PTPRT: variants seen among roughly 807,000 people sequenced by gnomAD.
The protein encoded by PTPRT is protein tyrosine phosphatase receptor type T, also known as receptor-type tyrosine-protein phosphatase T.
PTPRT carries 56 observed loss-of-function variants against 176.8 expected under a neutral mutation model. That is an observed-to-expected ratio of 0.32 (90% confidence interval 0.26 to 0.40). The LOEUF (loss-of-function observed/expected upper bound fraction) is 0.40, where lower values mean the gene tolerates loss of function less well. Among genes scored for constraint, PTPRT ranks in the 10% least tolerant of loss-of-function variants. The pLI is 1.00. For missense variants in PTPRT, 1,540 were observed against 1,908.2 expected (o/e 0.81, Z 3.60); for synonymous variants, 783 against 739.0 (o/e 1.06, Z -0.96).
intron 7 of PTPRT, among the ~76,000 whole-genome samples, chr20:42,657,894 T>C (rs1600561135): frequency 1.3e-5 from 2 of 151,916 alleles, no homozygotes; most frequent in African/African-American, 2.4e-5. Flanking sequence ...AATGCAATCA[T>C]GTTCATTTTT....
At chr20:43,121,738 C>T (rs1370692913) in intron 1 of PTPRT, among the ~76,000 whole-genome samples, 1 of 151,966 alleles carries the variant, frequency 6.6e-6, no homozygotes, top group Non-Finnish European at 1.5e-5. Flanking sequence ...ATAGGTGTTT[C>T]GAAAAAATAT....
intron 20 of PTPRT, among the ~76,000 whole-genome samples, chr20:42,119,040 AAG>A (rs1555872399): frequency 2.0e-5 from 3 of 150,700 alleles, no homozygotes; most frequent in African/African-American, 7.3e-5. Flanking sequence ...AAAAAAAAAA[AAG>A]ACCAGGAGCA....
chr20:43,111,188 C>A (rs546646383), intron 1 of PTPRT, among the ~76,000 whole-genome samples: 8 of 152,012 alleles, frequency 5.3e-5, no homozygotes, highest in Non-Finnish European at 8.8e-5. Flanking sequence ...AGGGGGTCCC[C>A]ACACAAGCTA....
intron 17 of PTPRT, among the ~76,000 whole-genome samples, 197 bp from the exon 18 acceptor site, chr20:42,142,199 G>A (rs1257485149): frequency 1.3e-5 from 2 of 152,218 alleles, no homozygotes; most frequent in Non-Finnish European, 2.9e-5. Flanking sequence ...TGTTTCAAAT[G>A]TTATTGATGT....
At chr20:43,112,561 G>A (rs2012907746) in intron 1 of PTPRT, among the ~76,000 whole-genome samples, 1 of 152,218 alleles carries the variant, frequency 6.6e-6, no homozygotes, top group African/African-American at 2.4e-5. Context: ...GAAAAGAAAG[G>A]AAGGTAGGAA....
chr20:42,335,880 T>G (rs1208943287), intron 11 of PTPRT, among the ~76,000 whole-genome samples: 1 of 152,148 alleles, frequency 6.6e-6, no homozygotes, highest in African/African-American at 2.4e-5. Context: ...TATAACATAG[T>G]AGTACACTCC....
chr20:43,161,351 G>C (rs1048364324), intron 1 of PTPRT, among the ~76,000 whole-genome samples: 5 of 151,962 alleles, frequency 3.3e-5, no homozygotes, highest in Non-Finnish European at 5.9e-5. Flanking sequence ...ATGACATGAA[G>C]GAGAAAGAGC....
At chr20:42,365,609 T>C (rs2058503618) in intron 9 of PTPRT, among the ~76,000 whole-genome samples, 1 of 151,986 alleles carries the variant, frequency 6.6e-6, no homozygotes, top group African/African-American at 2.4e-5. Context: ...GAAGAAGAAT[T>C]GTCTTGGGCA....
At chr20:42,156,938 G>A (rs912249343) in intron 17 of PTPRT, among the ~76,000 whole-genome samples, 47 of 152,204 alleles carry the variant, frequency 3.1e-4, no homozygotes, top group Non-Finnish European at 4.4e-5. Context: ...ATTAGCACTT[G>A]TCTTCTCAAA....
intron 6 of PTPRT, among the ~76,000 whole-genome samples, chr20:42,691,215 G>A (rs1414280280): frequency 6.6e-6 from 1 of 152,224 alleles, no homozygotes; most frequent in Non-Finnish European, 1.5e-5. Context: ...AGCTGCCATA[G>A]CAGAACAAAT....
intron 7 of PTPRT, among the ~76,000 whole-genome samples, chr20:42,583,335 G>A (rs1306199994): frequency 2.6e-5 from 4 of 152,168 alleles, no homozygotes; most frequent in Non-Finnish European, 5.9e-5. Flanking sequence ...TGCCTCCTAA[G>A]CCTCACTGTT....
intron 15 of PTPRT, among the ~76,000 whole-genome samples, chr20:42,206,634 GC>G (rs1455064905): frequency 6.6e-6 from 1 of 152,206 alleles, no homozygotes; most frequent in Admixed American, 6.5e-5. Context: ...AGGGTCCTAC[GC>G]CCACGGAGTC....
intron 16 of PTPRT, among the ~76,000 whole-genome samples, chr20:42,174,697 C>CACA (rs1990217380): frequency 6.6e-6 from 1 of 152,118 alleles, no homozygotes; most frequent in South Asian, 2.1e-4. Context: ...GAGAGGCTCA[C>CACA]ACAATACTCT....
chr20:42,073,669 C>G lies in PTPRT; in HGVS notation c.*7210G>C, dbSNP rs756076912. On this transcript the variant is annotated 3_prime_UTR_variant, in exon 31 of 31. Coordinates refer to ENST00000373187, the MANE Select transcript of PTPRT (RefSeq NM_007050.6). ...TGGTTTGCTGTTTGGTGATAACCAGCCTGGATCAGCCCAGTATATGTGGCC... is the reference window on the plus strand; with the variant it reads ...TGGTTTGCTGTTTGGTGATAACCAGGCTGGATCAGCCCAGTATATGTGGCC... 8.9e-6 allele frequency: 2 copies of G among 224,840 alleles called. No individual in the cohort carries two copies. The highest frequency in any genetic ancestry group is 1.8e-5 in the Non-Finnish European group (2 of 112,828). The allele number at this position is 224,840 out of a possible 1,614,324, so 13.9% of individuals were successfully genotyped here.
chr20:42,994,065 T>G (rs755880085), intron 1 of PTPRT, among the ~76,000 whole-genome samples: 1 of 152,192 alleles, frequency 6.6e-6, no homozygotes, highest in Non-Finnish European at 1.5e-5. Flanking sequence ...TTCTTTGGAT[T>G]ATAATTTAAA....
chr20:42,111,931 G>A (rs752449015), intron 22 of PTPRT, among the ~76,000 whole-genome samples: 2 of 152,244 alleles, frequency 1.3e-5, no homozygotes, highest in African/African-American at 2.4e-5. Context: ...TTAGCATGGT[G>A]TGTGCAGAGA....
intron 11 of PTPRT, among the ~76,000 whole-genome samples, chr20:42,317,058 G>A (rs2057731249): frequency 1.3e-5 from 2 of 151,966 alleles, no homozygotes; most frequent in Admixed American, 6.6e-5. Context: ...CAGGATGCCT[G>A]TCACCCAACA....
At chr20:42,546,755 CG>C (rs2072681910) in intron 7 of PTPRT, among the ~76,000 whole-genome samples, 1 of 151,794 alleles carries the variant, frequency 6.6e-6, no homozygotes, top group Non-Finnish European at 1.5e-5. Flanking sequence ...TTTTTTGTTT[CG>C]GGGAATATGG....
At chr20:42,974,964 T>C (rs1159223670) in intron 1 of PTPRT, among the ~76,000 whole-genome samples, 1 of 152,154 alleles carries the variant, frequency 6.6e-6, no homozygotes, top group Non-Finnish European at 1.5e-5. Flanking sequence ...AAAGACAACA[T>C]AACGTTTTAA....
Sources: gnomAD v4.1 joint callset for allele counts (sites outside exome capture counted in the v4.1 genomes callset) on GRCh38, gnomAD v4.1.1 for gene constraint, MANE v1.5 for transcripts, NCBI Gene and HGNC (gene_info 2026-07-23, HGNC 2026-07-21) for gene names.